Variants in ADORA2B observed in about 807,000 individuals in gnomAD.
The protein encoded by ADORA2B is adenosine A2b receptor.
ADORA2B carries 18 observed loss-of-function variants against 20.8 expected under a neutral mutation model. The observed-to-expected ratio is 0.87, with a 90% CI of 0.60 to 1.29. The LOEUF (loss-of-function observed/expected upper bound fraction) is 1.29. Ranked by LOEUF, ADORA2B falls within the 50% of genes most tolerant of loss-of-function variation. The pLI is 0.00. For missense variants in ADORA2B, 441 were observed against 422.7 expected (o/e 1.04, Z -0.38); for synonymous variants, 179 against 178.3 (o/e 1.00, Z -0.03).
chr17:15,867,125 C>T, the ADORA2B span, among the ~76,000 whole-genome samples: 3 of 152,182 alleles, frequency 2.0e-5, no homozygotes, highest in South Asian at 2.1e-4. Flanking sequence ...GGCGTGATCT[C>T]GGCTCGCTAC....
At chr17:15,973,900 TA>T (rs1425696747) in intron 1 of ADORA2B, 7 of 152,314 alleles carry the variant, frequency 4.6e-5, no homozygotes, top group African/African-American at 1.7e-4. Flanking sequence ...TTGATACTGT[TA>T]AAAGAAAAAC....
At chr17:15,868,029 A>C in the ADORA2B span, among the ~76,000 whole-genome samples, 1 of 148,666 alleles carries the variant, frequency 6.7e-6, no homozygotes, top group African/African-American at 2.5e-5. Flanking sequence ...CTGTACTAAG[A>C]AAAATTCTTC....
At chr17:15,894,245 G>A in the ADORA2B span, among the ~76,000 whole-genome samples, 13 of 152,164 alleles carry the variant, frequency 8.5e-5, no homozygotes, top group Admixed American at 2.0e-4. Context: ...ACAAGCAAGC[G>A]GTAGACTTTA....
the ADORA2B span, among the ~76,000 whole-genome samples, chr17:15,908,139 G>A: frequency 6.6e-6 from 1 of 152,246 alleles, no homozygotes; most frequent in East Asian, 1.9e-4. Context: ...CCAGGCTAGT[G>A]TGCAGTAACA....
chr17:15,938,900 G>A, the ADORA2B span, among the ~76,000 whole-genome samples: 1 of 151,538 alleles, frequency 6.6e-6, no homozygotes, highest in South Asian at 2.1e-4. Flanking sequence ...TCTTTTTTTT[G>A]TATAGTTACT....
At chr17:15,899,229 CA>C in the ADORA2B span, among the ~76,000 whole-genome samples, 53 of 129,272 alleles carry the variant, frequency 4.1e-4, no homozygotes, top group East Asian at 6.6e-4. Context: ...GACTCTGTCT[CA>C]AAAAAAAAAA....
chr17:15,925,352 A>G, the ADORA2B span, among the ~76,000 whole-genome samples: 1 of 151,970 alleles, frequency 6.6e-6, no homozygotes, highest in Non-Finnish European at 1.5e-5. Context: ...TAAAATACAT[A>G]TAGAAATGGG....
chr17:15,943,162 T>C (rs1969759406), upstream of ADORA2B, among the ~76,000 whole-genome samples: 1 of 152,220 alleles, frequency 6.6e-6, no homozygotes, highest in Non-Finnish European at 1.5e-5. Flanking sequence ...GTTTTCATTA[T>C]GGAAGTAACA....
chr17:15,901,954 A>G, the ADORA2B span, among the ~76,000 whole-genome samples: 1 of 152,064 alleles, frequency 6.6e-6, no homozygotes. Flanking sequence ...TTGTGGGTGC[A>G]GCTGTCACAC....
At chr17:15,884,907 A>G in the ADORA2B span, among the ~76,000 whole-genome samples, 1 of 152,278 alleles carries the variant, frequency 6.6e-6, no homozygotes. Flanking sequence ...TTGTGATAGA[A>G]TGATTTATGT....
the ADORA2B span, among the ~76,000 whole-genome samples, chr17:15,863,046 G>A: frequency 6.6e-6 from 1 of 151,996 alleles, no homozygotes; most frequent in East Asian, 1.9e-4. Context: ...TATTTTAGAG[G>A]TTTAATTTAA....
the ADORA2B span, among the ~76,000 whole-genome samples, chr17:15,930,677 C>T: frequency 7.2e-5 from 11 of 152,152 alleles, no homozygotes; most frequent in Non-Finnish European, 1.6e-4. Flanking sequence ...TGATTTGCAT[C>T]GGGTGGAGCA....
chr17:15,915,802 AC>A, the ADORA2B span, among the ~76,000 whole-genome samples: 1 of 152,184 alleles, frequency 6.6e-6, no homozygotes, highest in Non-Finnish European at 1.5e-5. Flanking sequence ...GGTGATGCCC[AC>A]TGATATTGGG....
At chr17:15,945,653 C>T (rs1969794159) in intron 1 of ADORA2B, 70 bp downstream of exon 1, 2 of 1,377,726 alleles carry the variant, frequency 1.5e-6, no homozygotes, top group African/African-American at 1.5e-5. Context: ...TTCTCCAGGC[C>T]GGGGTTCCTC....
At chr17:15,883,953 A>G in the ADORA2B span, among the ~76,000 whole-genome samples, 1 of 152,220 alleles carries the variant, frequency 6.6e-6, no homozygotes, top group Admixed American at 6.5e-5. Context: ...GACATTGTCT[A>G]AGTGCATTTG....
the ADORA2B span, among the ~76,000 whole-genome samples, chr17:15,865,830 CTTT>C: frequency 2.1e-5 from 3 of 145,718 alleles, no homozygotes. Flanking sequence ...TTGCATGTAT[CTTT>C]TTTTTTTTTT....
the ADORA2B span, among the ~76,000 whole-genome samples, chr17:15,913,807 C>A: frequency 6.6e-6 from 1 of 152,212 alleles, no homozygotes; most frequent in Non-Finnish European, 1.5e-5. Context: ...TTTATATCAC[C>A]CTTTAAACCA....
chr17:15,887,951 CAAAAAAAAAAAAAAAAAAAAAAA>C, the ADORA2B span, among the ~76,000 whole-genome samples: 42 of 22,230 alleles, frequency 1.9e-3, 8 homozygotes, highest in African/African-American at 7.4e-3. Context: ...AAGACTCCAT[CAAAAAAAAAAAAAAAAAAAAAAA>C]AAAAAAAAAA....
At chr17:15,905,426 A>G in the ADORA2B span, among the ~76,000 whole-genome samples, 5 of 152,044 alleles carry the variant, frequency 3.3e-5, no homozygotes, top group Admixed American at 6.6e-5. Context: ...CTGTCACCAG[A>G]CTGGAGTGCA....
Sources: gnomAD v4.1 joint callset for allele counts (sites outside exome capture counted in the v4.1 genomes callset) on GRCh38, gnomAD v4.1.1 for gene constraint, MANE v1.5 for transcripts, NCBI Gene and HGNC (gene_info 2026-07-23, HGNC 2026-07-21) for gene names.